The following COMMD1 variants were observed in gnomAD, a reference collection of about 807,000 sequenced individuals.
COMMD1 encodes the protein COMM domain-containing protein 1.
Under a neutral mutation model 17.2 loss-of-function variants are expected in COMMD1, and 10 were observed. The ratio of observed to expected loss-of-function variants is 0.58; its 90% CI spans 0.36 to 0.99. The LOEUF (loss-of-function observed/expected upper bound fraction) is 0.99. COMMD1 is among the 50% of genes least tolerant of loss of function. The probability of loss-of-function intolerance (pLI) is 0.01; values close to 1 mark genes in which losing one functional copy is unlikely to be tolerated. For missense variants in COMMD1, 270 were observed against 231.8 expected (o/e 1.17, Z -1.07); for synonymous variants, 97 against 91.6 (o/e 1.06, Z -0.34).
chr2:61,911,624 C>T (rs1286977028), intron 1 of COMMD1, among the ~76,000 whole-genome samples: 1 of 152,184 alleles, frequency 6.6e-6, no homozygotes, highest in African/African-American at 2.4e-5. Flanking sequence ...ATGAGCCATC[C>T]TGCCTAGATC....
At chr2:62,105,551 C>T (rs974986125) in intron 2 of COMMD1, among the ~76,000 whole-genome samples, 3 of 152,138 alleles carry the variant, frequency 2.0e-5, no homozygotes, top group African/African-American at 4.8e-5. Context: ...GGGCTGGGTG[C>T]GGTGGCTCAC....
intron 2 of COMMD1, among the ~76,000 whole-genome samples, chr2:62,029,262 C>G (rs1669850070): frequency 6.6e-6 from 1 of 151,818 alleles, no homozygotes; most frequent in Admixed American, 6.6e-5. Flanking sequence ...ATTACAAGCC[C>G]AAGAATACAA....
chr2:62,084,605 T>C (rs879834884), intron 2 of COMMD1, among the ~76,000 whole-genome samples: 1 of 152,210 alleles, frequency 6.6e-6, no homozygotes, highest in Non-Finnish European at 1.5e-5. Context: ...TATTCTGTTT[T>C]ATGATTTCTG....
chr2:61,944,304 G>T (rs532287556), intron 1 of COMMD1, among the ~76,000 whole-genome samples: 1 of 151,964 alleles, frequency 6.6e-6, no homozygotes, highest in East Asian at 1.9e-4. Context: ...GTACAAAAAT[G>T]AGCTGGGTAT....
intron 1 of COMMD1, among the ~76,000 whole-genome samples, chr2:61,979,433 C>A (rs13386855): frequency 6.6e-6 from 1 of 151,898 alleles, no homozygotes; most frequent in African/African-American, 2.4e-5. Context: ...GCCGAGATCA[C>A]GCCACTGCAC....
intron 1 of COMMD1, among the ~76,000 whole-genome samples, chr2:61,918,033 G>A (rs1572960309): frequency 6.6e-6 from 1 of 152,156 alleles, no homozygotes; most frequent in African/African-American, 2.4e-5. Context: ...TTTTTCTACT[G>A]TAGGTGGCAG....
At position 61,935,866 on chromosome 2, in the gene COMMD1, G is replaced by A. The variant is rs183027455; in HGVS notation, c.180+30008G>A. On this transcript the variant is annotated intron_variant, in intron 1 of 2. Transcript: ENST00000311832. The stretch of plus-strand genomic sequence containing the variant: ...GAGTCTCACTCTGTTGCCAAGGCTG[G>A]AGTGCAGTGGAGCTATCTCAGCTCA... Among the ~76,000 whole-genome samples, 59 of 152,020 alleles carry A rather than the reference G, an allele frequency of 3.9e-4. 1 individual carries two copies. Among genetic ancestry groups the A allele is most frequent in the Admixed American group, 1.3e-3 (20 of 15,258 alleles).
At chr2:61,893,924 C>T (rs1669497589) in intron 1 of COMMD1, among the ~76,000 whole-genome samples, 1 of 151,962 alleles carries the variant, frequency 6.6e-6, no homozygotes. Context: ...GCAAGCTGGG[C>T]ACAGTGGTGT....
chr2:62,055,122 T>G (rs1379726373), intron 2 of COMMD1, among the ~76,000 whole-genome samples: 1 of 152,192 alleles, frequency 6.6e-6, no homozygotes, highest in Non-Finnish European at 1.5e-5. Context: ...ACAATTAAGC[T>G]GCATCTGGTG....
chr2:62,035,973 G>A (rs1256620930), intron 2 of COMMD1, among the ~76,000 whole-genome samples: 1 of 151,860 alleles, frequency 6.6e-6, no homozygotes, highest in African/African-American at 2.4e-5. Flanking sequence ...AGGATGTCTG[G>A]ATCCTGGGAG....
At chr2:62,120,997 G>A (rs1672727484) in intron 2 of COMMD1, among the ~76,000 whole-genome samples, 1 of 151,920 alleles carries the variant, frequency 6.6e-6, no homozygotes, top group Non-Finnish European at 1.5e-5. Flanking sequence ...ACACACCTTG[G>A]CCTCCCAAAG....
chr2:62,051,026 T>C (rs1670520670), intron 2 of COMMD1, among the ~76,000 whole-genome samples: 1 of 152,194 alleles, frequency 6.6e-6, no homozygotes, highest in African/African-American at 2.4e-5. Flanking sequence ...ATGAATCTTA[T>C]TTTCCATTTA....
chr2:61,905,056 T>G (rs1461569155), upstream of COMMD1, among the ~76,000 whole-genome samples: 3 of 152,200 alleles, frequency 2.0e-5, no homozygotes, highest in Non-Finnish European at 4.4e-5. Flanking sequence ...TTTAAAAAAT[T>G]ATATGGGTGG....
intron 2 of COMMD1, among the ~76,000 whole-genome samples, chr2:62,022,202 C>T (rs1669629190): frequency 6.6e-6 from 1 of 151,962 alleles, no homozygotes; most frequent in Non-Finnish European, 1.5e-5. Context: ...GAATATATGT[C>T]TGTTCTTATA....
intron 1 of COMMD1, among the ~76,000 whole-genome samples, chr2:61,960,752 G>A (rs1446880152): frequency 1.3e-5 from 2 of 152,130 alleles, no homozygotes; most frequent in Non-Finnish European, 2.9e-5. Flanking sequence ...TTCCCCCTCG[G>A]GAGGTAACCT....
intron 1 of COMMD1, among the ~76,000 whole-genome samples, chr2:61,957,814 G>A (rs958600046): frequency 1.3e-5 from 2 of 152,062 alleles, no homozygotes; most frequent in South Asian, 4.1e-4. Flanking sequence ...CCTGTTAAGA[G>A]TTGTAAATAA....
intron 2 of COMMD1, among the ~76,000 whole-genome samples, chr2:62,097,882 G>GT (rs1672055445): frequency 6.6e-6 from 1 of 152,298 alleles, no homozygotes; most frequent in South Asian, 2.1e-4. Context: ...AAGTAGGGGG[G>GT]AAACCCTCTC....
intron 2 of COMMD1, among the ~76,000 whole-genome samples, chr2:62,006,551 C>T (rs1669128048): frequency 6.6e-6 from 1 of 151,828 alleles, no homozygotes; most frequent in Non-Finnish European, 1.5e-5. Context: ...ATGTTTTTTC[C>T]AACAGAAGTA....
intron 1 of COMMD1, among the ~76,000 whole-genome samples, chr2:61,918,795 A>T (rs1229544312): frequency 1.3e-5 from 2 of 152,136 alleles, no homozygotes. Context: ...TGGATCCTTA[A>T]ACTGCAGAAA....
Sources: allele counts gnomAD v4.1 joint callset (sites outside exome capture counted in the v4.1 genomes callset), GRCh38; gene constraint gnomAD v4.1.1; transcripts MANE v1.5; gene names NCBI Gene and HGNC (gene_info 2026-07-23, HGNC 2026-07-21).